The following SIGLECL1 variants were observed in gnomAD, a reference collection of about 807,000 sequenced individuals.
SIGLECL1 encodes SIGLEC family like 1.
SIGLECL1 carries 16 observed loss-of-function variants against 19.1 expected under a neutral mutation model. The observed-to-expected ratio is 0.84, with a 90% CI of 0.57 to 1.27. The LOEUF is 1.27. Ranked by LOEUF, SIGLECL1 falls within the 50% of genes most tolerant of loss-of-function variation. SIGLECL1 has a pLI of 0.00. For missense variants in SIGLECL1, 210 were observed against 239.4 expected (o/e 0.88, Z 0.81); for synonymous variants, 89 against 90.4 (o/e 0.98, Z 0.09).
intron 1 of SIGLECL1, among the ~76,000 whole-genome samples, chr19:51,261,383 G>A (rs2123424489): frequency 6.6e-6 from 1 of 152,210 alleles, no homozygotes; most frequent in Admixed American, 6.5e-5. Flanking sequence ...CTGCCTCCCA[G>A]GTTCATGCCA....
chr19:51,265,534 C>A lies in SIGLECL1; in HGVS notation c.189C>A (p.Gly63=). The part of the protein sequence containing the change: ...GSLQVTSTML[G]PWANSTISLT... ...TCCAAGTGACTTCCACCATGCTTGG[C>A]CCCTGGGCTAACAGCACCATCAGCC... is the stretch of plus-strand genomic sequence containing the variant. Residue 63 remains glycine (G), a synonymous_variant, in exon 3 of 6, where the codon GGC becomes GGA. Coordinates refer to ENST00000601727, the MANE Select transcript of SIGLECL1 (RefSeq NM_001385465.1). 1.2e-6 allele frequency: 2 copies of A among 1,614,150 alleles called. No homozygotes were observed. The highest frequency in any genetic ancestry group is 1.7e-6 in the Non-Finnish European group (2 of 1,180,020).
At chr19:51,259,124 G>A (rs553661102) in intron 1 of SIGLECL1, among the ~76,000 whole-genome samples, 1 of 3,848 alleles carries the variant, frequency 2.6e-4, no homozygotes, top group East Asian at 8.1e-3. Flanking sequence ...GGACTCATGT[G>A]GGAGTCTTAT....
At chr19:51,253,226 C>T (rs1982604373) in intron 1 of SIGLECL1, among the ~76,000 whole-genome samples, 1 of 152,146 alleles carries the variant, frequency 6.6e-6, no homozygotes, top group Non-Finnish European at 1.5e-5. Flanking sequence ...TTCTGTTCTA[C>T]TGACTCATTT....
chr19:51,247,679 A>G (rs745707240), upstream of SIGLECL1, among the ~76,000 whole-genome samples: 2 of 152,056 alleles, frequency 1.3e-5, no homozygotes, highest in African/African-American at 2.4e-5. Context: ...CAGCCTCCCA[A>G]AGTGTTGGGA....
At position 51,253,826 on chromosome 19, in the gene SIGLECL1, T is replaced by G. The variant is rs111946867; in HGVS notation, c.-191+2281T>G. ...CTATGAACGTAACGGCTGCATGTCT[T>G]GGGGCCAGTCATAGTACTTTTGTGG... On this transcript the variant is annotated intron_variant, in intron 1 of 5. Coordinates refer to ENST00000601727, the MANE Select transcript of SIGLECL1 (RefSeq NM_001385465.1). 1.6e-3 allele frequency among the ~76,000 whole-genome samples: 249 copies of G among 152,334 alleles called. 1 individual carries two copies. The highest frequency in any genetic ancestry group is 2.7e-3 in the Admixed American group (41 of 15,304).
rs777286911 is a variant in SIGLECL1, at chr19:51,265,883, G to A, written c.410+1G>A. The A allele has an allele frequency of 3.7e-6, 6 of 1,613,892 alleles. No homozygotes were observed. Among genetic ancestry groups the A allele is most frequent in the Non-Finnish European group, 5.1e-6 (6 of 1,179,918 alleles). ...TCTTCCTCTGCCTCCTCCCTCTCAT[G>A]TGAGTACTAGGGTTAATATTCACCC... On this transcript the variant is annotated splice_donor_variant, in intron 4 of 5. Transcript: ENST00000601727. LOFTEE classifies it high-confidence loss of function.
At chr19:51,255,136 T>C (rs868195458) in intron 1 of SIGLECL1, among the ~76,000 whole-genome samples, 4 of 151,972 alleles carry the variant, frequency 2.6e-5, no homozygotes, top group African/African-American at 9.7e-5. Flanking sequence ...GGAGCACGCC[T>C]GTAATCCCAG....
intron 1 of SIGLECL1, among the ~76,000 whole-genome samples, chr19:51,251,877 C>T (rs1228163454): frequency 6.6e-6 from 1 of 152,188 alleles, no homozygotes; most frequent in Non-Finnish European, 1.5e-5. Context: ...GCATCACTCA[C>T]ACCCTGCTAA....
At chr19:51,258,844 A>G (rs1982997980) in intron 1 of SIGLECL1, among the ~76,000 whole-genome samples, 1 of 152,218 alleles carries the variant, frequency 6.6e-6, no homozygotes, top group Admixed American at 6.5e-5. Context: ...AATTAGGTGG[A>G]GCAGTGAGAA....
At chr19:51,254,590 T>C (rs1006252795) in intron 1 of SIGLECL1, among the ~76,000 whole-genome samples, 1 of 152,164 alleles carries the variant, frequency 6.6e-6, no homozygotes, top group Non-Finnish European at 1.5e-5. Flanking sequence ...GGCAAATTTA[T>C]AATTACGGAA....
intron 1 of SIGLECL1, among the ~76,000 whole-genome samples, chr19:51,254,177 A>T (rs1023224473): frequency 2.0e-5 from 3 of 152,050 alleles, no homozygotes; most frequent in South Asian, 2.1e-4. Flanking sequence ...TATTTTTTTT[A>T]AATGAATTGG....
intron 2 of SIGLECL1, among the ~76,000 whole-genome samples, chr19:51,265,008 G>A (rs1983532304): frequency 6.6e-6 from 1 of 152,206 alleles, no homozygotes; most frequent in Non-Finnish European, 1.5e-5. Context: ...CAGACAGGAA[G>A]TGATGGAGGG....
At chr19:51,263,676 T>C (rs564984528) in intron 1 of SIGLECL1, among the ~76,000 whole-genome samples, 5 of 152,050 alleles carry the variant, frequency 3.3e-5, no homozygotes, top group Non-Finnish European at 7.4e-5. Flanking sequence ...AAGAGTCGCT[T>C]GAACATGGGA....
chr19:51,249,223 G>A (rs1982359269), upstream of SIGLECL1, among the ~76,000 whole-genome samples: 1 of 152,084 alleles, frequency 6.6e-6, no homozygotes, highest in South Asian at 2.1e-4. Context: ...GAAAGCAAGA[G>A]CCAGCAAGCA....
chr19:51,255,440 C>T (rs904011902), intron 1 of SIGLECL1, among the ~76,000 whole-genome samples: 5 of 152,008 alleles, frequency 3.3e-5, no homozygotes, highest in African/African-American at 1.2e-4. Context: ...AATTGACATG[C>T]AAGATTGCAG....
At chr19:51,263,179 A>T (rs1402141915) in intron 1 of SIGLECL1, among the ~76,000 whole-genome samples, 1 of 152,208 alleles carries the variant, frequency 6.6e-6, no homozygotes, top group Non-Finnish European at 1.5e-5. Flanking sequence ...TTTTTGAGAC[A>T]GGGTCTCGTG....
At chr19:51,266,345 T>G (rs1255865258) in intron 4 of SIGLECL1, among the ~76,000 whole-genome samples, 1 of 152,138 alleles carries the variant, frequency 6.6e-6, no homozygotes, top group Non-Finnish European at 1.5e-5. Context: ...CATGTGATAG[T>G]TCAATGCACA....
intron 5 of SIGLECL1, 97 bp from the exon 6 acceptor site, chr19:51,268,474 G>A (rs1983840279): frequency 1.5e-6 from 2 of 1,322,974 alleles, no homozygotes; most frequent in Non-Finnish European, 2.2e-6. Context: ...CCTTAATTCT[G>A]TGCACAAGGG....
At chr19:51,248,141 A>G (rs1982325320), upstream of SIGLECL1, among the ~76,000 whole-genome samples, 1 of 151,066 alleles carries the variant, frequency 6.6e-6, no homozygotes. Flanking sequence ...GAACTAAGGA[A>G]TGGACATTTT....
Sources: allele counts gnomAD v4.1 joint callset (sites outside exome capture counted in the v4.1 genomes callset), GRCh38; gene constraint gnomAD v4.1.1; transcripts MANE v1.5; gene names NCBI Gene and HGNC (gene_info 2026-07-23, HGNC 2026-07-21).